The following ITGB6 variants were observed in gnomAD, a reference collection of about 807,000 sequenced individuals.
The protein encoded by ITGB6 is integrin beta-6.
A neutral mutation model predicts 84.5 loss-of-function variants in ITGB6; 80 were observed. The ratio of observed to expected loss-of-function variants is 0.95; its 90% CI spans 0.79 to 1.14. The LOEUF is 1.14. ITGB6 is among the 50% of genes most tolerant of loss of function. ITGB6 has a pLI of 0.00. For missense variants in ITGB6, 1,006 were observed against 968.0 expected (o/e 1.04, Z -0.52); for synonymous variants, 383 against 354.9 (o/e 1.08, Z -0.89).
At chr2:160,196,504 T>G in intron 2 of ITGB6, 84 bp from the exon 3 acceptor site, 1 of 1,181,500 alleles carries the variant, frequency 8.5e-7, no homozygotes, top group Non-Finnish European at 1.2e-6. Flanking sequence ...TGAAAGTTTT[T>G]CTGCACAATT....
chr2:160,187,121 T>TA (rs990634050), intron 4 of ITGB6, among the ~76,000 whole-genome samples: 4 of 152,058 alleles, frequency 2.6e-5, no homozygotes, highest in African/African-American at 9.6e-5. Context: ...ATAATAATAA[T>TA]AAAAAATAGA....
At chr2:160,133,685 C>G (rs1683568170) in intron 10 of ITGB6, among the ~76,000 whole-genome samples, 1 of 152,090 alleles carries the variant, frequency 6.6e-6, no homozygotes, top group South Asian at 2.1e-4. Flanking sequence ...TGTAAAAGAA[C>G]AGAAATTATA....
At chr2:160,172,905 T>C (rs969879775) in intron 5 of ITGB6, among the ~76,000 whole-genome samples, 175 bp from the exon 6 acceptor site, 1 of 152,244 alleles carries the variant, frequency 6.6e-6, no homozygotes, top group Non-Finnish European at 1.5e-5. Context: ...CATGAAATTC[T>C]GTGACATTTG....
intron 13 of ITGB6, among the ~76,000 whole-genome samples, chr2:160,110,599 G>A (rs1014777029): frequency 5.3e-5 from 8 of 152,184 alleles, no homozygotes; most frequent in African/African-American, 1.4e-4. Flanking sequence ...AAGTCCCTCC[G>A]GACTGTGGGG....
intron 4 of ITGB6, among the ~76,000 whole-genome samples, chr2:160,185,920 T>C (rs903867732): frequency 2.0e-5 from 3 of 152,280 alleles, no homozygotes; most frequent in Middle Eastern, 3.4e-3. Flanking sequence ...ACTAGCCATA[T>C]GCAAAAAACT....
At position 160,199,221 on chromosome 2, in the gene ITGB6, G is replaced by T. The variant is rs1288818021; in HGVS notation, c.99C>A (p.Asp33Glu). Reference protein sequence around the residue: ...CALGGAETCEDCLLIGPQCAW... With the variant: ...CALGGAETCEECLLIGPQCAW... ...CACACTGAGGTCCAATAAGCAGGCAGTCTTCACAGGTTTCTGCACCTCCCA... is the reference window on the plus strand; with the variant it reads ...CACACTGAGGTCCAATAAGCAGGCATTCTTCACAGGTTTCTGCACCTCCCA... Residue 33 changes from aspartate (D) to glutamate (E), a missense_variant, in exon 2 of 15, where the codon GAC becomes GAA. Coordinates refer to ENST00000283249, the MANE Select transcript of ITGB6 (RefSeq NM_000888.5). 6.2e-7 allele frequency: 1 copy of T among 1,614,008 alleles called. No homozygotes were observed. Among genetic ancestry groups the T allele is most frequent in the African/African-American group, 1.3e-5 (1 of 74,928 alleles).
chr2:160,188,504 C>G (rs992226673), intron 4 of ITGB6, among the ~76,000 whole-genome samples: 2 of 152,110 alleles, frequency 1.3e-5, no homozygotes, highest in Non-Finnish European at 2.9e-5. Context: ...CTGGTCTCCC[C>G]CTAATCACAC....
chr2:160,167,134 C>T (rs1685024586), intron 7 of ITGB6, among the ~76,000 whole-genome samples: 1 of 152,210 alleles, frequency 6.6e-6, no homozygotes, highest in African/African-American at 2.4e-5. Flanking sequence ...AGTGATTCTT[C>T]AGTAGCTACG....
At chr2:160,141,511 A>T (rs993992393) in intron 8 of ITGB6, among the ~76,000 whole-genome samples, 1 of 152,228 alleles carries the variant, frequency 6.6e-6, no homozygotes, top group Non-Finnish European at 1.5e-5. Flanking sequence ...TATAGAAATT[A>T]AAAAGTGGCA....
At chr2:160,160,000 G>A (rs934213547) in intron 7 of ITGB6, among the ~76,000 whole-genome samples, 11 of 151,970 alleles carry the variant, frequency 7.2e-5, no homozygotes, top group African/African-American at 1.7e-4. Flanking sequence ...CTTGACACAC[G>A]GAAAACACAT....
At chr2:160,110,506 G>A (rs893135195) in intron 13 of ITGB6, among the ~76,000 whole-genome samples, 2 of 152,120 alleles carry the variant, frequency 1.3e-5, no homozygotes, top group African/African-American at 2.4e-5. Flanking sequence ...TGTGGGTATA[G>A]CATCTACCCT....
intron 10 of ITGB6, among the ~76,000 whole-genome samples, chr2:160,131,375 T>C (rs1359944312): frequency 2.0e-5 from 3 of 152,120 alleles, no homozygotes; most frequent in Non-Finnish European, 4.4e-5. Context: ...AAAAAGAACA[T>C]TGCGATAATA....
Position 160,126,566 on chromosome 2 carries a change from T to C in ITGB6, c.1696A>G (p.Arg566Gly). 1.2e-6 allele frequency: 2 copies of C among 1,613,874 alleles called. No individual in the cohort carries two copies. Among genetic ancestry groups the C allele is most frequent in the East Asian group, 2.2e-5 (1 of 44,882 alleles). The stretch of plus-strand genomic sequence containing the variant: ...CAGTACTCGCCAGTCCAGCCGCTCC[T>C]GCACACACATTCACCACAGTCACAG... The part of the protein sequence containing the change: ...GDCDCGECVC[R>G]SGWTGEYCNC... Residue 566 changes from arginine (R) to glycine (G), a missense_variant, in exon 11 of 15, where the codon AGG becomes GGG. Transcript: ENST00000283249.
intron 10 of ITGB6, among the ~76,000 whole-genome samples, chr2:160,130,898 T>C (rs1683441769): frequency 6.6e-6 from 1 of 152,192 alleles, no homozygotes; most frequent in Non-Finnish European, 1.5e-5. Flanking sequence ...GGCAGAAATT[T>C]AGAAAATCCT....
intron 10 of ITGB6, among the ~76,000 whole-genome samples, chr2:160,127,329 C>A (rs1317390777): frequency 3.3e-5 from 5 of 152,164 alleles, no homozygotes; most frequent in Non-Finnish European, 7.3e-5. Context: ...TACCTGGACG[C>A]TTCATCTGCA....
At chr2:160,158,894 A>G (rs893216219) in intron 7 of ITGB6, among the ~76,000 whole-genome samples, 1 of 152,050 alleles carries the variant, frequency 6.6e-6, no homozygotes, top group Non-Finnish European at 1.5e-5. Flanking sequence ...AAGTCAGGAG[A>G]TCGAGGCCAT....
intron 10 of ITGB6, among the ~76,000 whole-genome samples, chr2:160,134,181 G>A (rs562562319): frequency 1.4e-4 from 21 of 152,222 alleles, no homozygotes; most frequent in African/African-American, 4.3e-4. Flanking sequence ...GAAGAAAAGA[G>A]AGAAGAATCA....
intron 14 of ITGB6, among the ~76,000 whole-genome samples, chr2:160,106,764 A>G (rs1380720779): frequency 1.3e-5 from 2 of 152,212 alleles, no homozygotes; most frequent in African/African-American, 4.8e-5. Context: ...TTTATCAAAA[A>G]TGGAAAATTC....
chr2:160,179,509 T>A (rs2105878038), intron 4 of ITGB6, among the ~76,000 whole-genome samples: 1 of 150,908 alleles, frequency 6.6e-6, no homozygotes, highest in East Asian at 2.0e-4. Flanking sequence ...GCCTCCCGAG[T>A]AGCTGAGATT....
Sources: allele counts gnomAD v4.1 joint callset (sites outside exome capture counted in the v4.1 genomes callset), GRCh38; gene constraint gnomAD v4.1.1; transcripts MANE v1.5; gene names NCBI Gene and HGNC (gene_info 2026-07-23, HGNC 2026-07-21).